The following GNG7 variants were observed in gnomAD, a reference collection of about 807,000 sequenced individuals.
The protein encoded by GNG7 is guanine nucleotide-binding protein G(I)/G(S)/G(O) subunit gamma-7.
A neutral mutation model predicts 4.0 loss-of-function variants in GNG7; 1 was observed. That is an observed-to-expected ratio of 0.25 (90% CI 0.09 to 1.18). GNG7 has a LOEUF of 1.18. Ranked by LOEUF, GNG7 falls within the 50% of genes most tolerant of loss-of-function variation. The pLI is 0.50. For synonymous variants in GNG7, 34 were observed against 36.9 expected, an observed-to-expected ratio of 0.92 and a Z score of 0.29; for missense variants, 86 against 91.9, an observed-to-expected ratio of 0.94 and a Z score of 0.26.
At chr19:2,669,724 T>C (rs1181906320) in intron 1 of GNG7, among the ~76,000 whole-genome samples, 4 of 152,024 alleles carry the variant, frequency 2.6e-5, no homozygotes, top group African/African-American at 9.7e-5. Flanking sequence ...AGAGGTCTGT[T>C]GATGGCTGGG....
chr19:2,553,140 A>AG (rs929853928), intron 3 of GNG7, among the ~76,000 whole-genome samples: 16 of 151,424 alleles, frequency 1.1e-4, no homozygotes, highest in African/African-American at 3.4e-4. Flanking sequence ...AAAAAAAAAA[A>AG]AAGAGGAAAT....
chr19:2,533,641 G>A (rs1228208264), intron 3 of GNG7, among the ~76,000 whole-genome samples: 1 of 152,116 alleles, frequency 6.6e-6, no homozygotes, highest in Non-Finnish European at 1.5e-5. Flanking sequence ...GCAATTAGGT[G>A]GACCCAGTGA....
At chr19:2,580,436 G>A (rs1980470476) in intron 2 of GNG7, among the ~76,000 whole-genome samples, 1 of 151,598 alleles carries the variant, frequency 6.6e-6, no homozygotes, top group African/African-American at 2.4e-5. Context: ...GACTACAGGT[G>A]CACTCCACCA....
intron 2 of GNG7, among the ~76,000 whole-genome samples, chr19:2,580,929 T>G (rs932469204): frequency 1.3e-5 from 2 of 151,946 alleles, no homozygotes; most frequent in East Asian, 3.9e-4. Context: ...CACGCCCGGC[T>G]AATTTTTGTA....
chr19:2,667,194 C>T (rs894655762), intron 1 of GNG7, among the ~76,000 whole-genome samples: 7 of 152,086 alleles, frequency 4.6e-5, no homozygotes, highest in Non-Finnish European at 8.8e-5. Flanking sequence ...CAAGGTGCTG[C>T]GCCTGTAATC....
chr19:2,568,314 C>CACAT lies in GNG7; in HGVS notation c.-77-13127_-77-13126insATGT, dbSNP rs1568246903. On this transcript the variant is annotated intron_variant, in intron 2 of 4. Transcript: ENST00000382159. Reference sequence around the variant, plus strand: ...ATATACACACGCACACACATACACACGCACACACACATATACACACATATA... The same window carrying CACAT: ...ATATACACACGCACACACATACACACACATGCACACACACATATACACACATATA... Among the ~76,000 whole-genome samples, 5 of 103,434 alleles carry CACAT rather than the reference C, an allele frequency of 4.8e-5. 1 individual carries two copies. Among genetic ancestry groups the CACAT allele is most frequent in the Middle Eastern group, 0.011 (2 of 176 alleles). 67.9% of individuals were successfully genotyped at this position (103,434 alleles called of 152,430 possible).
At chr19:2,560,455 C>A (rs377676333) in intron 2 of GNG7, among the ~76,000 whole-genome samples, 1 of 152,110 alleles carries the variant, frequency 6.6e-6, no homozygotes, top group Non-Finnish European at 1.5e-5. Context: ...TGTGTCCCAC[C>A]CAGCCCTTCC....
intron 1 of GNG7, among the ~76,000 whole-genome samples, chr19:2,674,771 G>C (rs1383229748): frequency 6.6e-6 from 1 of 152,150 alleles, no homozygotes; most frequent in African/African-American, 2.4e-5. Context: ...GAGGACACCT[G>C]CTGAGATGCA....
chr19:2,596,676 A>C (rs28405333), intron 2 of GNG7, among the ~76,000 whole-genome samples: 80 of 96,220 alleles, frequency 8.3e-4, no homozygotes, highest in Non-Finnish European at 1.0e-3. Flanking sequence ...CCCCCCCCCA[A>C]AAAAAAAAGT....
chr19:2,640,908 C>G (rs570592433), intron 2 of GNG7, among the ~76,000 whole-genome samples: 6 of 152,292 alleles, frequency 3.9e-5, no homozygotes, highest in Admixed American at 1.3e-4. Context: ...CGATGACAGG[C>G]GTGAGCCACC....
chr19:2,631,124 C>T (rs1982147673), intron 2 of GNG7, among the ~76,000 whole-genome samples: 1 of 152,156 alleles, frequency 6.6e-6, no homozygotes, highest in Admixed American at 6.5e-5. Context: ...AAGAATGGTG[C>T]ATTTAGTATT....
chr19:2,694,239 G>C (rs569768066), intron 1 of GNG7, among the ~76,000 whole-genome samples: 3 of 151,784 alleles, frequency 2.0e-5, no homozygotes, highest in South Asian at 4.2e-4. Flanking sequence ...TTTTTTTTGG[G>C]GGGGGGCAGG....
At chr19:2,652,567 T>G (rs971300884) in intron 1 of GNG7, among the ~76,000 whole-genome samples, 2 of 152,040 alleles carry the variant, frequency 1.3e-5, no homozygotes, top group Non-Finnish European at 2.9e-5. Flanking sequence ...TGCAGTGAGC[T>G]GGGATCGTGC....
At position 2,614,136 on chromosome 19, in the gene GNG7, GCACTGGGAGCAGA is replaced by G. The variant is rs1185452806; in HGVS notation, c.-78+32075_-78+32087del. Reference sequence around the variant, plus strand: ...CCACATCCTCACCACCCGGTGAACGGCACTGGGAGCAGACTCAAGAGGCTCGAGAGGTCCCAGG... The same window carrying G: ...CCACATCCTCACCACCCGGTGAACGGCTCAAGAGGCTCGAGAGGTCCCAGG... On this transcript the variant is annotated intron_variant, in intron 2 of 4. Transcript: ENST00000382159. The surrounding 1 kb of genome is among the most constrained non-coding windows in gnomAD (Gnocchi z 6.0). Among the ~76,000 whole-genome samples, 1 of 152,182 alleles carries G rather than the reference GCACTGGGAGCAGA, an allele frequency of 6.6e-6. No individual in the cohort carries two copies. Among genetic ancestry groups the G allele is most frequent in the Non-Finnish European group, 1.5e-5 (1 of 68,026 alleles).
intron 1 of GNG7, among the ~76,000 whole-genome samples, chr19:2,676,674 C>T (rs1025701880): frequency 1.3e-5 from 2 of 152,156 alleles, no homozygotes; most frequent in Non-Finnish European, 2.9e-5. Context: ...CCTCGGCCTC[C>T]CATAGTCCTG....
chr19:2,682,711 T>C lies in GNG7; in HGVS notation c.-135+19935A>G, dbSNP rs569175413. ...GCTACAGGGAGGCAGGGGTCATCCC[T>C]GCCCCTGCTCCCACCCCATCCGGTG... On this transcript the variant is annotated intron_variant, in intron 1 of 4. Coordinates refer to ENST00000382159, the MANE Select transcript of GNG7 (RefSeq NM_052847.3). Among the ~76,000 whole-genome samples the C allele has an allele frequency of 4.1e-5, 6 of 145,576 alleles. No individual in the cohort carries two copies. The South Asian group carries it at 1.3e-3, about 32-fold the overall frequency.
Position 2,653,951 on chromosome 19 carries a change from T to A in GNG7, c.-134-7671A>T, listed in dbSNP as rs796450878. 2.6e-5 allele frequency among the ~76,000 whole-genome samples: 4 copies of A among 152,260 alleles called. No homozygotes were observed. The highest frequency in any genetic ancestry group is 9.6e-5 in the African/African-American group (4 of 41,558). On this transcript the variant is annotated intron_variant, in intron 1 of 4. Transcript: ENST00000382159. The surrounding 1 kb of genome is among the most constrained non-coding windows in gnomAD (Gnocchi z 4.8). The stretch of plus-strand genomic sequence containing the variant: ...TCTCGCCTGCCTCGGCGAGCCCGGG[T>A]TCCAGAAGATGTGCCCAGCACCCTG...
intron 1 of GNG7, among the ~76,000 whole-genome samples, chr19:2,681,208 G>C (rs1983726789): frequency 6.6e-6 from 1 of 151,586 alleles, no homozygotes; most frequent in African/African-American, 2.4e-5. Flanking sequence ...TTTTGAGACG[G>C]AGTCTTGCTC....
At chr19:2,562,286 C>CT (rs1979766672) in intron 2 of GNG7, among the ~76,000 whole-genome samples, 1 of 104,492 alleles carries the variant, frequency 9.6e-6, no homozygotes, top group African/African-American at 2.9e-5. Flanking sequence ...CTTTCTTTTT[C>CT]TTTCTTTTTT....
Sources: allele counts gnomAD v4.1 joint callset (sites outside exome capture counted in the v4.1 genomes callset), GRCh38; gene constraint gnomAD v4.1.1; non-coding constraint Gnocchi (gnomAD v3.1); transcripts MANE v1.5; gene names NCBI Gene and HGNC (gene_info 2026-07-23, HGNC 2026-07-21).